RGS7: variants seen among roughly 807,000 people sequenced by gnomAD.
RGS7 encodes regulator of G-protein signaling 7.
RGS7 carries 27 observed loss-of-function variants against 81.1 expected under a neutral mutation model. The ratio of observed to expected loss-of-function variants is 0.33; its 90% CI spans 0.25 to 0.46. RGS7 has a LOEUF of 0.46. Ranked by LOEUF, RGS7 falls within the 20% of genes least tolerant of loss-of-function variation. The probability of loss-of-function intolerance (pLI) is 1.00; values close to 1 mark genes in which losing one functional copy is unlikely to be tolerated. For missense variants in RGS7, 396 were observed against 607.4 expected (o/e 0.65, Z 3.66); for synonymous variants, 208 against 207.7 (o/e 1.00, Z -0.01).
At chr1:240,955,551 C>CAAAAAAAAAAAAAAAAAAAAAAAAAAAA (rs369155474) in intron 4 of RGS7, among the ~76,000 whole-genome samples, 6 of 140,276 alleles carry the variant, frequency 4.3e-5, no homozygotes, top group Non-Finnish European at 6.1e-5. Flanking sequence ...GACTCTGTCT[C>CAAAAAAAAAAAAAAAAAAAAAAAAAAAA]AAAAAAAAAA....
intron 18 of RGS7, among the ~76,000 whole-genome samples, chr1:240,789,665 A>G (rs771632263): frequency 3.9e-5 from 6 of 152,176 alleles, no homozygotes; most frequent in Admixed American, 6.5e-5. Context: ...GGATGAGGAA[A>G]TTACTGCCTA....
At chr1:241,098,272 T>C (rs1053608304) in intron 3 of RGS7, among the ~76,000 whole-genome samples, 1 of 152,234 alleles carries the variant, frequency 6.6e-6, no homozygotes, top group African/African-American at 2.4e-5. Flanking sequence ...CTTCCTCATC[T>C]TTCAAACAGC....
chr1:241,294,011 T>C (rs1365646120), intron 2 of RGS7, among the ~76,000 whole-genome samples: 1 of 152,190 alleles, frequency 6.6e-6, no homozygotes, highest in Non-Finnish European at 1.5e-5. Flanking sequence ...TGCAGCACTA[T>C]TTACCATAGC....
chr1:240,920,736 A>G, intron 6 of RGS7: 1 of 582,048 alleles, frequency 1.7e-6, no homozygotes, highest in Admixed American at 2.2e-5. Context: ...CAAAGAAGAC[A>G]TGTTTTAGAC....
At chr1:240,995,708 CTTT>C (rs71172669) in intron 3 of RGS7, among the ~76,000 whole-genome samples, 1 of 139,802 alleles carries the variant, frequency 7.2e-6, no homozygotes. Flanking sequence ...TGTGTCTTTT[CTTT>C]TTTTTTTTTT....
chr1:241,186,125 GA>G (rs957977989), intron 2 of RGS7, among the ~76,000 whole-genome samples: 4 of 151,972 alleles, frequency 2.6e-5, no homozygotes, highest in Admixed American at 6.6e-5. Context: ...CAATATCAGG[GA>G]AAAAATGGGA....
chr1:240,968,790 T>C (rs911445477), intron 4 of RGS7, among the ~76,000 whole-genome samples: 1 of 152,190 alleles, frequency 6.6e-6, no homozygotes, highest in Non-Finnish European at 1.5e-5. Context: ...ATCAGTGCCC[T>C]TATCACACTT....
At chr1:241,195,559 A>G (rs563826060) in intron 2 of RGS7, among the ~76,000 whole-genome samples, 64 of 152,328 alleles carry the variant, frequency 4.2e-4, no homozygotes, top group African/African-American at 1.5e-3. Context: ...ATTATCCATG[A>G]GAAATGCAGT....
chr1:240,834,077 G>A (rs1422958553), intron 9 of RGS7, among the ~76,000 whole-genome samples: 1 of 152,180 alleles, frequency 6.6e-6, no homozygotes, highest in African/African-American at 2.4e-5. Flanking sequence ...GCGAAGCACT[G>A]TGCCTAGCCA....
chr1:240,890,442 T>C (rs898215871), intron 6 of RGS7, among the ~76,000 whole-genome samples: 3 of 152,174 alleles, frequency 2.0e-5, no homozygotes, highest in African/African-American at 4.8e-5. Context: ...TGAGCCACCA[T>C]ACCCAGCCTT....
intron 6 of RGS7, among the ~76,000 whole-genome samples, chr1:240,882,089 GTTT>G (rs1666504578): frequency 6.6e-6 from 1 of 151,924 alleles, no homozygotes; most frequent in African/African-American, 2.4e-5. Context: ...TAACTTTTGT[GTTT>G]TTAGTAGAGA....
chr1:241,338,271 T>C (rs2148684962), intron 2 of RGS7, among the ~76,000 whole-genome samples: 1 of 152,332 alleles, frequency 6.6e-6, no homozygotes, highest in African/African-American at 2.4e-5. Context: ...TTCATAAATA[T>C]GCTAAACCAA....
At chr1:241,146,680 C>T (rs1025766263) in intron 2 of RGS7, among the ~76,000 whole-genome samples, 3 of 152,194 alleles carry the variant, frequency 2.0e-5, no homozygotes, top group Non-Finnish European at 2.9e-5. Flanking sequence ...TCACTCATTG[C>T]TTTTCCTCTC....
intron 2 of RGS7, among the ~76,000 whole-genome samples, chr1:241,118,105 C>T (rs918305384): frequency 6.6e-6 from 1 of 152,132 alleles, no homozygotes; most frequent in Non-Finnish European, 1.5e-5. Context: ...TTATTCTATT[C>T]CACTGAATAA....
In RGS7 at chr1:241,215,549, T is replaced by G. The variant is rs74767499; in HGVS notation, c.79-116787A>C. Among the ~76,000 whole-genome samples, 136 of 152,338 alleles carry G rather than the reference T, an allele frequency of 8.9e-4. 3 individuals carry two copies. In the East Asian group the frequency reaches 0.022, roughly 24 times the overall value. ...TGCAACCCCTCCTTCTATGTCTCTCTCTTTTCTAGTATTTCCTCCCCCAGT... is the reference window on the plus strand; with the variant it reads ...TGCAACCCCTCCTTCTATGTCTCTCGCTTTTCTAGTATTTCCTCCCCCAGT... On this transcript the variant is annotated intron_variant, in intron 2 of 18. Coordinates refer to ENST00000440928, the MANE Select transcript of RGS7 (RefSeq NM_001364886.1).
chr1:240,898,654 G>A (rs1669481759), intron 6 of RGS7, among the ~76,000 whole-genome samples: 2 of 152,144 alleles, frequency 1.3e-5, no homozygotes, highest in Admixed American at 6.5e-5. Flanking sequence ...GAGACAGTTT[G>A]TTATAATTTC....
At position 240,813,672 on chromosome 1, in the gene RGS7, T is replaced by G; in HGVS notation, c.902A>C (p.Asp301Ala). 3.7e-6 allele frequency: 6 copies of G among 1,613,828 alleles called. No individual in the cohort carries two copies. Among genetic ancestry groups the G allele is most frequent in the Non-Finnish European group, 5.1e-6 (6 of 1,179,846 alleles). Residue 301 changes from aspartate to alanine, a missense_variant, in exon 13 of 19, where the codon GAC becomes GCC. Coordinates refer to ENST00000440928, the MANE Select transcript of RGS7 (RefSeq NM_001364886.1). ...ATCGGACAGCCATGGGTTAGAAGGG[T>G]CAGGTGGCAAAAGAAACGGGTCGTA... ...LEYDPFLLPP[D>A]PSNPWLSDDT...
chr1:241,001,133 T>C (rs976322131), intron 3 of RGS7, among the ~76,000 whole-genome samples: 2 of 152,060 alleles, frequency 1.3e-5, no homozygotes, highest in Non-Finnish European at 2.9e-5. Context: ...TGTGTGTTCA[T>C]GTGTGTGTGT....
intron 2 of RGS7, among the ~76,000 whole-genome samples, chr1:241,267,339 G>C (rs2077644679): frequency 6.6e-6 from 1 of 152,222 alleles, no homozygotes; most frequent in Admixed American, 6.5e-5. Context: ...GGACTCCGAA[G>C]GGACTACTCC....
Sources: allele counts gnomAD v4.1 joint callset (sites outside exome capture counted in the v4.1 genomes callset), GRCh38; gene constraint gnomAD v4.1.1; transcripts MANE v1.5; gene names NCBI Gene and HGNC (gene_info 2026-07-23, HGNC 2026-07-21).